Variants in DGKD observed in about 807,000 individuals in gnomAD.
DGKD encodes DAG kinase delta.
A neutral mutation model predicts 154.4 loss-of-function variants in DGKD; 68 were observed. The ratio of observed to expected loss-of-function variants is 0.44; its 90% CI spans 0.36 to 0.54. The LOEUF is 0.54. DGKD is among the 20% of genes least tolerant of loss of function. The probability of loss-of-function intolerance (pLI) is 0.00; values close to 1 mark genes in which losing one functional copy is unlikely to be tolerated. For synonymous variants in DGKD, 693 were observed against 638.0 expected (o/e 1.09, Z -1.30); for missense variants, 1,343 against 1,593.6 (o/e 0.84, Z 2.68).
chr2:233,460,177 G>C lies in DGKD; in HGVS notation c.2830-17G>C, dbSNP rs2063581808. ...TGCTTCAGAGCAGCAGGTGTAATTG[G>C]GCTTTCGGGTCCATAGGCATTTGAG... On this transcript the variant is annotated splice_polypyrimidine_tract_variant and intron_variant, in intron 23 of 29. Coordinates refer to ENST00000264057, the MANE Select transcript of DGKD (RefSeq NM_152879.3). The C allele has an allele frequency of 6.2e-7, 1 of 1,612,880 alleles. No homozygotes were observed. Among genetic ancestry groups the C allele is most frequent in the Non-Finnish European group, 8.5e-7 (1 of 1,179,382 alleles).
intron 1 of DGKD, among the ~76,000 whole-genome samples, chr2:233,377,680 A>T (rs1559482396): frequency 6.6e-6 from 1 of 152,094 alleles, no homozygotes; most frequent in Non-Finnish European, 1.5e-5. Flanking sequence ...AGATCAGAAG[A>T]GTAAATGCAT....
At chr2:233,428,502 A>G (rs965142253) in intron 3 of DGKD, among the ~76,000 whole-genome samples, 1 of 152,218 alleles carries the variant, frequency 6.6e-6, no homozygotes, top group African/African-American at 2.4e-5. Flanking sequence ...TAGCACCGAT[A>G]GTGACAGTGC....
intron 27 of DGKD, 115 bp from the exon 28 acceptor site, chr2:233,466,971 C>T: frequency 1.3e-6 from 1 of 783,910 alleles, no homozygotes; most frequent in Non-Finnish European, 2.2e-6. Context: ...AGAGGTCTTT[C>T]CCAGCTCCCG....
chr2:233,447,189 C>T (rs1014126574), intron 12 of DGKD, among the ~76,000 whole-genome samples: 1 of 76,152 alleles, frequency 1.3e-5, no homozygotes, highest in East Asian at 2.6e-4. Flanking sequence ...CGGCTCTCCC[C>T]TAGCCCCCCG....
At chr2:233,435,262 C>T (rs1036994776) in intron 5 of DGKD, among the ~76,000 whole-genome samples, 5 of 152,140 alleles carry the variant, frequency 3.3e-5, no homozygotes, top group Non-Finnish European at 7.4e-5. Flanking sequence ...GTGTTACAGA[C>T]TTAGAGGTCA....
chr2:233,412,087 A>G (rs2061843886), intron 3 of DGKD, among the ~76,000 whole-genome samples: 1 of 152,200 alleles, frequency 6.6e-6, no homozygotes, highest in South Asian at 2.1e-4. Flanking sequence ...GCTTTATTCT[A>G]AGTACTTAGC....
chr2:233,426,178 C>A (rs2062291794), intron 3 of DGKD, among the ~76,000 whole-genome samples: 1 of 152,238 alleles, frequency 6.6e-6, no homozygotes, highest in Non-Finnish European at 1.5e-5. Flanking sequence ...GCCAGACTCT[C>A]ATATTCATGC....
chr2:233,462,787 G>A, intron 26 of DGKD, 52 bp downstream of exon 26: 2 of 1,514,076 alleles, frequency 1.3e-6, no homozygotes, highest in Non-Finnish European at 9.1e-7. Context: ...TGAAACGACT[G>A]CTGTCGCCAG....
At chr2:233,374,873 T>C (rs1229942587) in intron 1 of DGKD, among the ~76,000 whole-genome samples, 1 of 152,118 alleles carries the variant, frequency 6.6e-6, no homozygotes, top group Non-Finnish European at 1.5e-5. Context: ...TATGCTATGT[T>C]GCCCAGGCTG....
chr2:233,413,772 C>T lies in DGKD; in HGVS notation c.349-20608C>T, dbSNP rs997449873. The stretch of plus-strand genomic sequence containing the variant: ...CTGCCCTGCATGCCGTGCCCTCCCA[C>T]GGTGGCTCTTCAAATTCTTGGCTAT... On this transcript the variant is annotated intron_variant, in intron 3 of 29. Transcript: ENST00000264057. Among the ~76,000 whole-genome samples the T allele has an allele frequency of 2.6e-5, 4 of 152,362 alleles. No homozygotes were observed. The East Asian group carries it at 5.8e-4, about 22-fold the overall frequency.
rs776171167 is a variant in DGKD, at chr2:233,459,725, C to T, written c.2695-32C>T. 6 of 1,606,552 alleles carry T rather than the reference C, an allele frequency of 3.7e-6. No homozygotes were observed. The Admixed American group carries it at 8.4e-5, about 23-fold the overall frequency. On this transcript the variant is annotated intron_variant, in intron 22 of 29. Coordinates refer to ENST00000264057, the MANE Select transcript of DGKD (RefSeq NM_152879.3). The surrounding 1 kb of genome is among the most constrained non-coding windows in gnomAD (Gnocchi z 5.7). ...TTTTAAACCCCTGGGGGTTTTGGCT[C>T]AGCATGAGTAATGGCTATGATGTCT...
intron 27 of DGKD, among the ~76,000 whole-genome samples, chr2:233,466,205 T>C (rs1345553877): frequency 6.6e-6 from 1 of 151,444 alleles, no homozygotes; most frequent in Non-Finnish European, 1.5e-5. Context: ...TGTAAATGTA[T>C]CTTGTATGCA....
rs756359923 is a variant in DGKD at position 233,449,247 on chromosome 2, A to G, written c.1759A>G (p.Thr587Ala). 5 of 1,613,564 alleles carry G rather than the reference A, an allele frequency of 3.1e-6. No homozygotes were observed. The Admixed American group carries it at 8.3e-5, about 27-fold the overall frequency. ...GDGSGSICGS[T>A]GDRLVASACP... ...TGGGTCGGGCAGCATCTGCGGTTCCACCGGAGACCGCTTGGTGGCATCAGC... is the reference window on the plus strand; with the variant it reads ...TGGGTCGGGCAGCATCTGCGGTTCCGCCGGAGACCGCTTGGTGGCATCAGC... The change falls in exon 15 of 30, where the codon ACC (threonine) becomes GCC (alanine). Residue 587 changes from threonine (T) to alanine (A), a missense_variant. Coordinates refer to ENST00000264057, the MANE Select transcript of DGKD (RefSeq NM_152879.3). The surrounding 1 kb of genome is among the most constrained non-coding windows in gnomAD (Gnocchi z 5.3).
At position 233,458,159 on chromosome 2, in the gene DGKD, GCAGTTACCTGGTAACTTCTCGC is replaced by G; in HGVS notation, c.2581-121_2581-100del. On this transcript the variant is annotated intron_variant, in intron 21 of 29. Coordinates refer to ENST00000264057, the MANE Select transcript of DGKD (RefSeq NM_152879.3). The surrounding 1 kb of genome is among the most constrained non-coding windows in gnomAD (Gnocchi z 6.6). ...CTGCAACATGAAGCCCGTCAGGAGT[GCAGTTACCTGGTAACTTCTCGC>G]CAGCTAGGAGGGGCTGACCCCCAGA... 1 of 586,080 alleles carries G rather than the reference GCAGTTACCTGGTAACTTCTCGC, an allele frequency of 1.7e-6. No homozygotes were observed. The highest frequency in any genetic ancestry group is 3.1e-6 in the Non-Finnish European group (1 of 320,242). The allele number at this position is 586,080 out of a possible 1,614,324, so 36.3% of individuals were successfully genotyped here. A position where few individuals can be genotyped will look rare whatever the true frequency, so the allele number is the denominator to read the frequency against.
rs1455802289 is a variant in DGKD at position 233,452,130 on chromosome 2, G to A, written c.2264+70G>A. The A allele has an allele frequency of 7.1e-7, 1 of 1,407,038 alleles. No homozygotes were observed. The highest frequency in any genetic ancestry group is 2.3e-5 in the East Asian group (1 of 43,642). The allele number at this position is 1,407,038 out of a possible 1,614,324, so 87.2% of individuals were successfully genotyped here. ...GCTAGTGCATAGAAAACAGATCTCA[G>A]GATTAACTAGAGAAATTAGTGAGCA... On this transcript the variant is annotated intron_variant, in intron 18 of 29. Coordinates refer to ENST00000264057, the MANE Select transcript of DGKD (RefSeq NM_152879.3). The surrounding 1 kb of genome is among the most constrained non-coding windows in gnomAD (Gnocchi z 4.0).
chr2:233,362,856 A>T (rs1261486830), intron 1 of DGKD, among the ~76,000 whole-genome samples: 2 of 152,158 alleles, frequency 1.3e-5, no homozygotes, highest in African/African-American at 2.4e-5. Flanking sequence ...TGAAGCTGAA[A>T]AATTCCAATT....
chr2:233,417,951 T>G (rs1357962595), intron 3 of DGKD, among the ~76,000 whole-genome samples: 1 of 152,196 alleles, frequency 6.6e-6, no homozygotes, highest in East Asian at 1.9e-4. Context: ...CAAAGAATTA[T>G]TTGGCTCAAA....
intron 3 of DGKD, among the ~76,000 whole-genome samples, chr2:233,416,340 A>C (rs753441929): frequency 2.0e-5 from 3 of 152,210 alleles, no homozygotes; most frequent in Non-Finnish European, 4.4e-5. Flanking sequence ...AATTCATTTG[A>C]AAAGGTGTGG....
At chr2:233,419,274 A>T in intron 3 of DGKD, 1 of 985,492 alleles carries the variant, frequency 1.0e-6, no homozygotes. Flanking sequence ...CACGGTACTG[A>T]TTTGCTGCTC....
Sources: allele counts gnomAD v4.1 joint callset (sites outside exome capture counted in the v4.1 genomes callset), GRCh38; gene constraint gnomAD v4.1.1; non-coding constraint Gnocchi (gnomAD v3.1); transcripts MANE v1.5; gene names NCBI Gene and HGNC (gene_info 2026-07-23, HGNC 2026-07-21).